Variants in MARCHF1 observed in about 807,000 individuals in gnomAD.
The protein encoded by MARCHF1 is membrane associated ring-CH-type finger 1.
A neutral mutation model predicts 54.2 loss-of-function variants in MARCHF1; 40 were observed. That is an observed-to-expected ratio of 0.74 (90% CI 0.57 to 0.96). The LOEUF is 0.96. MARCHF1 is among the 40% of genes least tolerant of loss of function. The pLI is 0.00. For missense variants in MARCHF1, 586 were observed against 656.5 expected, an observed-to-expected ratio of 0.89 and a Z score of 1.17; for synonymous variants, 236 against 236.3, an observed-to-expected ratio of 1.00 and a Z score of 0.01.
At chr4:164,011,335 C>A (rs6825296) in intron 2 of MARCHF1, among the ~76,000 whole-genome samples, 13 of 151,928 alleles carry the variant, frequency 8.6e-5, no homozygotes, top group Non-Finnish European at 1.8e-4. Context: ...AGAGACAACC[C>A]GCAGATGTTA....
intron 2 of MARCHF1, among the ~76,000 whole-genome samples, chr4:164,009,610 C>T (rs1412055801): frequency 6.6e-6 from 1 of 152,166 alleles, no homozygotes; most frequent in Non-Finnish European, 1.5e-5. Flanking sequence ...AAGTGGGATT[C>T]ATCCAGAAAT....
chr4:163,692,417 T>C (rs1348303345), intron 5 of MARCHF1, among the ~76,000 whole-genome samples: 2 of 152,168 alleles, frequency 1.3e-5, no homozygotes, highest in African/African-American at 4.8e-5. Flanking sequence ...CCAATCTTAG[T>C]GCTGTGTGGG....
At chr4:164,147,101 AT>A (rs1384241989) in intron 1 of MARCHF1, among the ~76,000 whole-genome samples, 7 of 152,206 alleles carry the variant, frequency 4.6e-5, no homozygotes, top group African/African-American at 1.7e-4. Flanking sequence ...CATCAGAGAA[AT>A]GCAAATCAAA....
intron 7 of MARCHF1, among the ~76,000 whole-genome samples, chr4:163,591,860 T>A (rs558711069): frequency 1.3e-5 from 2 of 152,086 alleles, no homozygotes; most frequent in Non-Finnish European, 2.9e-5. Flanking sequence ...TTATACCCTA[T>A]CTGAGCAGCA....
chr4:164,007,227 TC>T (rs1219150041), intron 2 of MARCHF1, among the ~76,000 whole-genome samples: 2 of 150,042 alleles, frequency 1.3e-5, no homozygotes, highest in Non-Finnish European at 3.0e-5. Context: ...GCACCTGTAG[TC>T]CCAGCTACTC....
At chr4:163,659,410 G>T (rs1743264637) in intron 5 of MARCHF1, among the ~76,000 whole-genome samples, 1 of 152,022 alleles carries the variant, frequency 6.6e-6, no homozygotes. Flanking sequence ...ATTCAAGATG[G>T]ATTAAAGACT....
intron 3 of MARCHF1, among the ~76,000 whole-genome samples, chr4:163,956,464 G>A (rs1752235453): frequency 6.6e-6 from 1 of 152,022 alleles, no homozygotes; most frequent in Non-Finnish European, 1.5e-5. Context: ...TTTCAGTGAG[G>A]GGACTCGATA....
intron 8 of MARCHF1, among the ~76,000 whole-genome samples, chr4:163,560,506 C>T (rs985926156): frequency 5.9e-5 from 9 of 152,126 alleles, no homozygotes; most frequent in South Asian, 4.1e-4. Flanking sequence ...TATTCTAGTT[C>T]TTTTGCATTC....
chr4:163,745,498 G>T (rs6811554), intron 4 of MARCHF1, among the ~76,000 whole-genome samples: 3,647 of 152,188 alleles, frequency 0.024, 141 homozygotes, highest in African/African-American at 0.082. Context: ...CTCTGAATGA[G>T]GTCATCATGC....
intron 8 of MARCHF1, among the ~76,000 whole-genome samples, chr4:163,576,144 G>C (rs2110780686): frequency 6.6e-6 from 1 of 151,884 alleles, no homozygotes; most frequent in East Asian, 1.9e-4. Context: ...TTGTTAATTT[G>C]AGATCTTCCT....
At chr4:163,701,297 G>T (rs754284126) in intron 4 of MARCHF1, among the ~76,000 whole-genome samples, 2 of 151,968 alleles carry the variant, frequency 1.3e-5, no homozygotes, top group Non-Finnish European at 1.5e-5. Context: ...CATCCACCTC[G>T]TATTCTTCTA....
intron 4 of MARCHF1, among the ~76,000 whole-genome samples, chr4:163,731,460 A>G (rs1168412348): frequency 1.3e-5 from 2 of 152,214 alleles, no homozygotes; most frequent in East Asian, 3.8e-4. Context: ...CAATTATCCC[A>G]TCTCGCTGCC....
At chr4:163,851,953 C>A (rs1749653059) in intron 4 of MARCHF1, among the ~76,000 whole-genome samples, 1 of 152,138 alleles carries the variant, frequency 6.6e-6, no homozygotes. Flanking sequence ...AGGAAGAAAT[C>A]TCTTATTTTA....
intron 1 of MARCHF1, among the ~76,000 whole-genome samples, chr4:164,294,184 G>C (rs62348052): frequency 1.3e-5 from 2 of 152,064 alleles, no homozygotes; most frequent in African/African-American, 4.8e-5. Flanking sequence ...CAGACTGAAG[G>C]CTGCACTCTC....
chr4:164,141,968 C>T (rs527696991), intron 1 of MARCHF1, among the ~76,000 whole-genome samples: 7 of 117,790 alleles, frequency 5.9e-5, no homozygotes, highest in African/African-American at 2.8e-4. Context: ...GTGGGCGCAC[C>T]GTGAGCGAGC....
At chr4:163,724,899 C>T (rs1309879534) in intron 4 of MARCHF1, among the ~76,000 whole-genome samples, 5 of 152,134 alleles carry the variant, frequency 3.3e-5, no homozygotes, top group Admixed American at 2.0e-4. Flanking sequence ...TTCCAGGTGC[C>T]GTCTGTCACC....
At chr4:163,593,951 T>C (rs748227518) in intron 7 of MARCHF1, among the ~76,000 whole-genome samples, 10 of 152,222 alleles carry the variant, frequency 6.6e-5, no homozygotes, top group Non-Finnish European at 1.3e-4. Flanking sequence ...GGTCCTATGG[T>C]AAATATAAAG....
chr4:164,210,533 T>C (rs1307180187), intron 1 of MARCHF1, among the ~76,000 whole-genome samples: 1 of 152,174 alleles, frequency 6.6e-6, no homozygotes, highest in East Asian at 1.9e-4. Flanking sequence ...GTCATAGATA[T>C]GGGCTGGAGC....
intron 2 of MARCHF1, among the ~76,000 whole-genome samples, chr4:164,086,213 G>T (rs1755189473): frequency 6.6e-6 from 1 of 151,612 alleles, no homozygotes; most frequent in East Asian, 1.9e-4. Context: ...CAATATACCT[G>T]AGTACATTTT....
Sources: gnomAD v4.1 joint callset for allele counts (sites outside exome capture counted in the v4.1 genomes callset) on GRCh38, gnomAD v4.1.1 for gene constraint, MANE v1.5 for transcripts, NCBI Gene and HGNC (gene_info 2026-07-23, HGNC 2026-07-21) for gene names.